Variants in DDX31 observed in about 807,000 individuals in gnomAD.
DDX31 encodes the protein ATP-dependent DNA helicase DDX31.
In DDX31, 70 loss-of-function variants were observed where a neutral mutation model predicts 91.3. The ratio of observed to expected loss-of-function variants is 0.77; its 90% CI spans 0.63 to 0.94. The LOEUF (loss-of-function observed/expected upper bound fraction) is 0.94. Among genes scored for constraint, DDX31 ranks in the 40% least tolerant of loss-of-function variants. The pLI is 0.00. For synonymous variants in DDX31, 362 were observed against 350.6 expected (o/e 1.03, Z -0.36); for missense variants, 902 against 925.0 (o/e 0.98, Z 0.32).
chr9:132,661,194 C>G lies in DDX31; in HGVS notation c.452+14G>C, dbSNP rs1375724751. Reference sequence around the variant, plus strand: ...GTAATGCCTAAGAAATCAAGAGGAGCCTGAAGTTCTTACCTGGTCATACTA... The same window carrying G: ...GTAATGCCTAAGAAATCAAGAGGAGGCTGAAGTTCTTACCTGGTCATACTA... On this transcript the variant is annotated intron_variant, in intron 4 of 19. Transcript: ENST00000372159. 6.2e-7 allele frequency: 1 copy of G among 1,607,598 alleles called. No homozygotes were observed. Among genetic ancestry groups the G allele is most frequent in the Non-Finnish European group, 8.5e-7 (1 of 1,175,018 alleles).
intron 14 of DDX31, among the ~76,000 whole-genome samples, chr9:132,636,671 T>A (rs146655728): frequency 1.3e-3 from 204 of 152,350 alleles, no homozygotes; most frequent in African/African-American, 4.7e-3. Flanking sequence ...TAAGACACAA[T>A]CTTCCGGTCT....
At chr9:132,620,937 C>T (rs575070198) in intron 17 of DDX31, among the ~76,000 whole-genome samples, 3 of 152,306 alleles carry the variant, frequency 2.0e-5, no homozygotes, top group Admixed American at 6.5e-5. Context: ...TCCATCCGCA[C>T]GCAATGCACC....
chr9:132,640,732 T>C (rs2073641931), intron 14 of DDX31, among the ~76,000 whole-genome samples: 1 of 152,218 alleles, frequency 6.6e-6, no homozygotes, highest in Non-Finnish European at 1.5e-5. Context: ...GGTCGTGAAC[T>C]CCTGGGCTCA....
intron 14 of DDX31, among the ~76,000 whole-genome samples, chr9:132,640,677 A>G (rs1833446830): frequency 6.6e-6 from 1 of 151,628 alleles, no homozygotes; most frequent in South Asian, 2.1e-4. Flanking sequence ...TTATTCCTTA[A>G]TATTTTTTGT....
Position 132,657,516 on chromosome 9 carries a change from T to C in DDX31, c.588+1155A>G, listed in dbSNP as rs190078558. On this transcript the variant is annotated intron_variant, in intron 6 of 19. Coordinates refer to ENST00000372159, the MANE Select transcript of DDX31 (RefSeq NM_022779.9). ...TCTACCTTCTCCCTCATTTATTTAT[T>C]CAATAATTTATTTGTATCAGTTTGA... 3.6e-3 allele frequency among the ~76,000 whole-genome samples: 543 copies of C among 152,370 alleles called. 5 individuals carry two copies. The highest frequency in any genetic ancestry group is 0.012 in the African/African-American group (514 of 41,590).
At chr9:132,598,566 T>C (rs1338064948) in intron 19 of DDX31, among the ~76,000 whole-genome samples, 1 of 152,228 alleles carries the variant, frequency 6.6e-6, no homozygotes, top group Non-Finnish European at 1.5e-5. Context: ...CACAGCCTAA[T>C]TAGTAAATCA....
rs544507002 is a variant in DDX31, at chr9:132,620,764, G to A, written c.1714-2323C>T. 3.9e-5 allele frequency among the ~76,000 whole-genome samples: 6 copies of A among 152,292 alleles called. No individual in the cohort carries two copies. The South Asian group carries it at 1.2e-3, about 32-fold the overall frequency. On this transcript the variant is annotated intron_variant, in intron 17 of 19. Transcript: ENST00000372159. ...TGCAGCACCATCTCAGCCCCCGACA[G>A]GTAAAATGCTCCTATAATGAGAGCG...
chr9:132,632,892 A>C (rs892672485), intron 14 of DDX31, among the ~76,000 whole-genome samples: 1 of 152,168 alleles, frequency 6.6e-6, no homozygotes, highest in Non-Finnish European at 1.5e-5. Flanking sequence ...TACTCTCTCT[A>C]GTCTCTCACC....
intron 5 of DDX31, among the ~76,000 whole-genome samples, chr9:132,659,253 G>T (rs1030731666): frequency 6.6e-6 from 1 of 152,200 alleles, no homozygotes; most frequent in Non-Finnish European, 1.5e-5. Flanking sequence ...ATAGCTGACT[G>T]CCCACTGAGG....
intron 16 of DDX31, among the ~76,000 whole-genome samples, chr9:132,627,655 C>T (rs1832476289): frequency 6.6e-6 from 1 of 152,194 alleles, no homozygotes; most frequent in Non-Finnish European, 1.5e-5. Flanking sequence ...ACAAAGAAGT[C>T]AAAAGAATGC....
chr9:132,646,546 A>G (rs981936456), intron 12 of DDX31, among the ~76,000 whole-genome samples: 4 of 152,182 alleles, frequency 2.6e-5, no homozygotes, highest in Non-Finnish European at 5.9e-5. Context: ...CCTCACATCC[A>G]GCTGTTCCCG....
At chr9:132,661,696 A>C (rs73562950) in intron 3 of DDX31, among the ~76,000 whole-genome samples, 1,716 of 152,328 alleles carry the variant, frequency 0.011, 28 homozygotes, top group African/African-American at 0.039. Flanking sequence ...AGAGGAAACC[A>C]AGCCTGCCTA....
chr9:132,664,250 T>A (rs551090179), intron 1 of DDX31, among the ~76,000 whole-genome samples: 3 of 152,348 alleles, frequency 2.0e-5, no homozygotes, highest in East Asian at 3.8e-4. Context: ...ATATATCACA[T>A]AACTCTCTTT....
chr9:132,641,224 G>C (rs1331106915), intron 14 of DDX31, among the ~76,000 whole-genome samples: 1 of 152,146 alleles, frequency 6.6e-6, no homozygotes, highest in African/African-American at 2.4e-5. Context: ...GGCCTAGATG[G>C]GCATTCAAAC....
At chr9:132,629,541 A>G (rs1832600304) in intron 16 of DDX31, among the ~76,000 whole-genome samples, 1 of 152,252 alleles carries the variant, frequency 6.6e-6, no homozygotes, top group African/African-American at 2.4e-5. Context: ...GCTGCCTGCT[A>G]GGATGTTTTC....
At chr9:132,648,379 G>A in intron 10 of DDX31, 53 bp downstream of exon 10, 1 of 1,606,770 alleles carries the variant, frequency 6.2e-7, no homozygotes, top group Non-Finnish European at 8.5e-7. Context: ...GCAACAAGGA[G>A]AGGAGAAACA....
rs1422459970 is a variant in DDX31 at position 132,660,711 on chromosome 9, A to C, written c.452+497T>G. On this transcript the variant is annotated intron_variant, in intron 4 of 19. Coordinates refer to ENST00000372159, the MANE Select transcript of DDX31 (RefSeq NM_022779.9). ...AAGTAAAAAATCATTATGAAAATGC[A>C]CAGAAGCACAAATACTCAAAACAAG... is the stretch of plus-strand genomic sequence containing the variant. Among the ~76,000 whole-genome samples, 8 of 152,224 alleles carry C rather than the reference A, an allele frequency of 5.3e-5. 1 individual carries two copies.
chr9:132,635,952 A>G (rs1833087987), intron 14 of DDX31, among the ~76,000 whole-genome samples: 1 of 152,028 alleles, frequency 6.6e-6, no homozygotes, highest in Non-Finnish European at 1.5e-5. Context: ...CTCAAAAAAA[A>G]AGAGAAGAAG....
chr9:132,603,420 T>G (rs1325999721), intron 19 of DDX31, among the ~76,000 whole-genome samples: 1 of 152,170 alleles, frequency 6.6e-6, no homozygotes, highest in Non-Finnish European at 1.5e-5. Context: ...GATACACACC[T>G]TCCTGTTGCA....
Sources: allele counts gnomAD v4.1 joint callset (sites outside exome capture counted in the v4.1 genomes callset), GRCh38; gene constraint gnomAD v4.1.1; transcripts MANE v1.5; gene names NCBI Gene and HGNC (gene_info 2026-07-23, HGNC 2026-07-21).